ASH1L: variants seen among roughly 807,000 people sequenced by gnomAD.
ASH1L encodes the protein ASH1 like histone lysine methyltransferase.
In ASH1L, 23 loss-of-function variants were observed where a neutral mutation model predicts 269.0. The ratio of observed to expected loss-of-function variants is 0.09; its 90% CI spans 0.06 to 0.12. ASH1L has a LOEUF of 0.12. Ranked by LOEUF, ASH1L falls within the 10% of genes least tolerant of loss-of-function variation. The pLI, the probability that ASH1L is intolerant of heterozygous loss-of-function variation, is 1.00. For missense variants in ASH1L, 2,912 were observed against 3,567.8 expected (o/e 0.82, Z 4.68); for synonymous variants, 1,187 against 1,253.5 (o/e 0.95, Z 1.12).
At chr1:155,557,383 C>G (rs1329071968) in intron 1 of ASH1L, among the ~76,000 whole-genome samples, 1 of 152,044 alleles carries the variant, frequency 6.6e-6, no homozygotes, top group Non-Finnish European at 1.5e-5. Context: ...CTGCCTCAGC[C>G]TCCTGAGAAG....
intron 1 of ASH1L, among the ~76,000 whole-genome samples, chr1:155,544,242 T>C (rs1226070396): frequency 1.3e-5 from 2 of 151,136 alleles, no homozygotes; most frequent in African/African-American, 4.9e-5. Context: ...AAAGTAAAAG[T>C]ATCTGAATGT....
chr1:155,536,259 T>A (rs1278806317), intron 1 of ASH1L, among the ~76,000 whole-genome samples: 1 of 152,146 alleles, frequency 6.6e-6, no homozygotes, highest in Non-Finnish European at 1.5e-5. Flanking sequence ...TGGAACTGAA[T>A]GAGTACGCAG....
chr1:155,428,176 C>A (rs1439369083), intron 5 of ASH1L, among the ~76,000 whole-genome samples: 1 of 152,128 alleles, frequency 6.6e-6, no homozygotes, highest in Non-Finnish European at 1.5e-5. Context: ...CAGTGGCTCA[C>A]GCCTGTAATC....
intron 2 of ASH1L, among the ~76,000 whole-genome samples, chr1:155,506,154 C>A (rs1667804262): frequency 6.6e-6 from 1 of 152,156 alleles, no homozygotes; most frequent in Admixed American, 6.6e-5. Context: ...TATGTCCCTA[C>A]AAATGACATG....
intron 6 of ASH1L, among the ~76,000 whole-genome samples, chr1:155,413,815 T>C (rs538387907): frequency 1.3e-5 from 2 of 152,164 alleles, no homozygotes; most frequent in African/African-American, 4.8e-5. Context: ...ATTATGAACT[T>C]TGAACTACAT....
Position 155,481,427 on chromosome 1 carries a change from G to T in ASH1L, c.1443C>A (p.Phe481Leu). The T allele has an allele frequency of 6.2e-7, 1 of 1,613,938 alleles. No individual in the cohort carries two copies. The highest frequency in any genetic ancestry group is 1.1e-5 in the South Asian group (1 of 91,074). The change falls in exon 3 of 28, where the codon TTC (phenylalanine) becomes TTA (leucine). Residue 481 changes from phenylalanine (F) to leucine (L), a missense_variant. Coordinates refer to ENST00000392403, the MANE Select transcript of ASH1L (RefSeq NM_018489.3). ...AATTAATGATTTCTTTTCGTACTGA[G>T]AACTTTTCCAATATGCTTTCTTTAT... The part of the protein sequence containing the change: ...RQNKESILEK[F>L]SVRKEIINLE...
chr1:155,450,747 C>G (rs1347340512), intron 4 of ASH1L, among the ~76,000 whole-genome samples: 2 of 152,172 alleles, frequency 1.3e-5, no homozygotes, highest in Non-Finnish European at 2.9e-5. Flanking sequence ...TATCTGTTCA[C>G]CATTGCTCAT....
chr1:155,562,603 C>T lies in ASH1L; in HGVS notation c.-550G>A, dbSNP rs1432742280. ...CGTCCGCGTAGCGCGCACGCCCGCC[C>T]GCACGCGTACGAGTGTCTACGGGCT... On this transcript the variant is annotated 5_prime_UTR_variant, in exon 1 of 28. Coordinates refer to ENST00000392403, the MANE Select transcript of ASH1L (RefSeq NM_018489.3). 1.3e-6 allele frequency: 2 copies of T among 1,528,354 alleles called. No homozygotes were observed. The highest frequency in any genetic ancestry group is 2.5e-5 in the East Asian group (1 of 40,652). 94.7% of individuals were successfully genotyped at this position (1,528,354 alleles called of 1,614,324 possible). A position where few individuals can be genotyped will look rare whatever the true frequency, so the allele number is the denominator to read the frequency against.
chr1:155,405,243 G>A (rs1196378324), intron 6 of ASH1L, among the ~76,000 whole-genome samples: 1 of 146,940 alleles, frequency 6.8e-6, no homozygotes, highest in East Asian at 3.7e-4. Context: ...CACTTTAGGG[G>A]GCTGAGGGGG....
intron 25 of ASH1L, among the ~76,000 whole-genome samples, chr1:155,339,731 CCTA>C (rs1450317712): frequency 6.6e-6 from 1 of 152,092 alleles, no homozygotes; most frequent in African/African-American, 2.4e-5. Flanking sequence ...GATAGTATAG[CCTA>C]CTATACACCT....
intron 5 of ASH1L, among the ~76,000 whole-genome samples, chr1:155,434,799 C>T (rs1346538410): frequency 2.0e-5 from 3 of 151,822 alleles, no homozygotes; most frequent in African/African-American, 4.8e-5. Context: ...TGCAGTGAGC[C>T]GAGATTGTGC....
At chr1:155,553,714 T>C (rs1671370910) in intron 1 of ASH1L, among the ~76,000 whole-genome samples, 1 of 152,166 alleles carries the variant, frequency 6.6e-6, no homozygotes, top group Non-Finnish European at 1.5e-5. Context: ...CATTACATAG[T>C]ATGTATCGTA....
At chr1:155,375,798 CA>C (rs60058591) in intron 10 of ASH1L, among the ~76,000 whole-genome samples, 52,710 of 137,844 alleles carry the variant, frequency 0.38, 10,215 homozygotes, top group East Asian at 0.72. Context: ...AACTTCGTCT[CA>C]AAAAAAAAAA....
intron 1 of ASH1L, among the ~76,000 whole-genome samples, chr1:155,558,279 A>T (rs1184065632): frequency 6.6e-6 from 1 of 151,816 alleles, no homozygotes; most frequent in Non-Finnish European, 1.5e-5. Flanking sequence ...GACCAGCCTG[A>T]CCAACATGGC....
At chr1:155,404,629 A>T (rs1277811609) in intron 6 of ASH1L, among the ~76,000 whole-genome samples, 1 of 152,252 alleles carries the variant, frequency 6.6e-6, no homozygotes, top group Non-Finnish European at 1.5e-5. Context: ...AGGTTACAGG[A>T]GACAAACTCA....
intron 6 of ASH1L, among the ~76,000 whole-genome samples, chr1:155,398,709 A>T (rs1344571757): frequency 1.3e-5 from 2 of 151,916 alleles, no homozygotes; most frequent in Admixed American, 6.6e-5. Flanking sequence ...AGGAATTTTT[A>T]TTTTTTTGCT....
At chr1:155,503,528 A>C (rs1379131514) in intron 2 of ASH1L, among the ~76,000 whole-genome samples, 1 of 152,086 alleles carries the variant, frequency 6.6e-6, no homozygotes, top group Non-Finnish European at 1.5e-5. Flanking sequence ...TTACAATTTC[A>C]CCTTAATAAC....
At position 155,377,832 on chromosome 1, in the gene ASH1L, T is replaced by G. The variant is rs1480279914; in HGVS notation, c.6332+449A>C. Among the ~76,000 whole-genome samples the G allele has an allele frequency of 2.0e-5, 3 of 152,104 alleles. No individual in the cohort carries two copies. In the East Asian group the frequency reaches 5.8e-4, roughly 29 times the overall value. On this transcript the variant is annotated intron_variant, in intron 10 of 27. Transcript: ENST00000392403. ...GAGGTCAGATTGAGATCATCCTGGC[T>G]AATACGGTGAAATCCCATCTCTACT... is the stretch of plus-strand genomic sequence containing the variant.
chr1:155,370,817 T>C lies in ASH1L; in HGVS notation c.6499A>G (p.Ile2167Val). The change falls in exon 11 of 28, where the codon ATT becomes GTT. Residue 2167 changes from isoleucine (I) to valine (V), a missense_variant. Physicochemically the swap from Ile to Val is conservative, Grantham distance 29. Around this residue, in one of 13 missense-constraint regions of ASH1L, gnomAD observed 193 missense variants for 311.6 expected, o/e 0.62. Transcript: ENST00000392403. Reference sequence around the variant, plus strand: ...CTGACGACCTCCCCTAGGTATTCAATGATGAACTGCCCAGCTTTTAGGGGC... The same window carrying C: ...CTGACGACCTCCCCTAGGTATTCAACGATGAACTGCCCAGCTTTTAGGGGC... ...KEPLKAGQFI[I>V]EYLGEVVSEQ... 1 of 1,614,220 alleles carries C rather than the reference T, an allele frequency of 6.2e-7. No individual in the cohort carries two copies. The highest frequency in any genetic ancestry group is 8.5e-7 in the Non-Finnish European group (1 of 1,180,040).
Sources: gnomAD v4.1 joint callset for allele counts (sites outside exome capture counted in the v4.1 genomes callset) on GRCh38, gnomAD v4.1.1 for gene constraint, gnomAD v4.1.1 regional missense constraint, MANE v1.5 for transcripts, NCBI Gene and HGNC (gene_info 2026-07-23, HGNC 2026-07-21) for gene names.